Variants in RTBDN observed in about 807,000 individuals in gnomAD.
RTBDN encodes retbindin.
RTBDN carries 24 observed loss-of-function variants against 21.9 expected under a neutral mutation model. The ratio of observed to expected loss-of-function variants is 1.10; its 90% CI spans 0.79 to 1.54. The LOEUF is 1.54. RTBDN is among the 40% of genes most tolerant of loss of function. The probability of loss-of-function intolerance (pLI) is 0.00; values close to 1 mark genes in which losing one functional copy is unlikely to be tolerated. For synonymous variants in RTBDN, 141 were observed against 125.9 expected, an observed-to-expected ratio of 1.12 and a Z score of -0.80; for missense variants, 325 against 315.2, an observed-to-expected ratio of 1.03 and a Z score of -0.23.
Position 12,830,160 on chromosome 19 carries a change from G to A in RTBDN, c.-18-163C>T. The A allele has an allele frequency of 7.8e-7, 1 of 1,274,956 alleles. No individual in the cohort carries two copies. Among genetic ancestry groups the A allele is most frequent in the Non-Finnish European group, 1.0e-6 (1 of 962,318 alleles). 79.0% of individuals were successfully genotyped at this position (1,274,956 alleles called of 1,614,324 possible). On this transcript the variant is annotated intron_variant, in intron 1 of 5. Transcript: ENST00000674343. The surrounding 1 kb of genome is among the most constrained non-coding windows in gnomAD (Gnocchi z 4.2). Reference sequence around the variant, plus strand: ...ACGTTCAAATCCCAGGAGACCATCAGGGCCTGCCTCCAACCTAGGAGCCCC... The same window carrying A: ...ACGTTCAAATCCCAGGAGACCATCAAGGCCTGCCTCCAACCTAGGAGCCCC...
chr19:12,826,531 TAAAAATAC>T (rs1481463422), intron 5 of RTBDN: 2 of 773,774 alleles, frequency 2.6e-6, no homozygotes, highest in African/African-American at 3.6e-5. Flanking sequence ...CTGACTCTAC[TAAAAATAC>T]AAAAATTAGC....
Position 12,831,090 on chromosome 19 carries a change from C to T in RTBDN, c.-18-1093G>A, listed in dbSNP as rs567600603. ...CAGAATCTGGGGGAGGATTGTGTGT[C>T]CCAAGCAATGTGTTTGCAGTTGAAT... On this transcript the variant is annotated intron_variant, in intron 1 of 5. Transcript: ENST00000674343. 2.0e-4 allele frequency among the ~76,000 whole-genome samples: 30 copies of T among 150,210 alleles called. No homozygotes were observed. In the South Asian group the frequency reaches 6.1e-3, roughly 31 times the overall value.
In RTBDN at chr19:12,830,771, G is replaced by A. The variant is rs1332745394; in HGVS notation, c.-18-774C>T. On this transcript the variant is annotated intron_variant, in intron 1 of 5. Transcript: ENST00000674343. The surrounding 1 kb of genome is among the most constrained non-coding windows in gnomAD (Gnocchi z 4.2). ...AGGCTGGCCGACTTGGGGCTGGTGT[G>A]TATATATCCTTGTGTTTGTTTTTAT... 1 of 584,054 alleles carries A rather than the reference G, an allele frequency of 1.7e-6. No homozygotes were observed. The highest frequency in any genetic ancestry group is 2.0e-5 in the African/African-American group (1 of 49,462). 36.2% of individuals were successfully genotyped at this position (584,054 alleles called of 1,614,324 possible).
chr19:12,826,184 TG>T (rs1368264839), intron 5 of RTBDN: 123 of 1,360,560 alleles, frequency 9.0e-5, no homozygotes, highest in Admixed American at 7.1e-5. Context: ...GTATCAAGGC[TG>T]GGGTTTTGTA....
In RTBDN at chr19:12,830,027, C is replaced by T; in HGVS notation, c.-18-30G>A. The T allele has an allele frequency of 6.3e-7, 1 of 1,586,024 alleles. No homozygotes were observed. The highest frequency in any genetic ancestry group is 8.6e-7 in the Non-Finnish European group (1 of 1,159,072). ...CAGGCATAGGGTGGGGTTCAGCCAT[C>T]CCTTTCTGTGAGCTTAGGGTGGCAC... On this transcript the variant is annotated intron_variant, in intron 1 of 5. Coordinates refer to ENST00000674343, the MANE Select transcript of RTBDN (RefSeq NM_001270441.2). This position sits in a 1 kb window ranked among gnomAD's most constrained non-coding sequence, Gnocchi z 4.2.
At chr19:12,829,740 C>G in intron 2 of RTBDN, 71 bp downstream of exon 2, 1 of 1,513,696 alleles carries the variant, frequency 6.6e-7, no homozygotes, top group Non-Finnish European at 9.0e-7. Flanking sequence ...TAAGGAAATT[C>G]TAACATTGTC....
At chr19:12,829,116 G>T in intron 2 of RTBDN, 163 bp from the exon 3 acceptor site, 1 of 1,142,430 alleles carries the variant, frequency 8.8e-7, no homozygotes, top group Non-Finnish European at 1.2e-6. Context: ...GCTTCAAGTA[G>T]TAATAATCAT....
rs1429367313 is a variant in RTBDN at position 12,826,799 on chromosome 19, C to T, written c.438G>A (p.Glu146=). The change falls in exon 5 of 6, where the codon GAG becomes GAA. Residue 146 remains glutamate, a synonymous_variant. Coordinates refer to ENST00000674343, the MANE Select transcript of RTBDN (RefSeq NM_001270441.2). ...CCTGTCCATAGGTAAGGCAGCTGGG[C>T]TCACAGCCCCTTTTTTCTGAGAGTG... is the stretch of plus-strand genomic sequence containing the variant. The part of the protein sequence containing the change: ...WLPLSEKRGC[E]PSCLTYGQTF... The T allele has an allele frequency of 6.4e-7, 1 of 1,554,654 alleles. No homozygotes were observed. The highest frequency in any genetic ancestry group is 2.4e-5 in the East Asian group (1 of 41,150).
upstream of RTBDN, chr19:12,834,893 CCAAA>C (rs754300118): frequency 1.9e-6 from 3 of 1,601,786 alleles, no homozygotes; most frequent in African/African-American, 4.0e-5. The surrounding 1 kb of genome is among the most constrained non-coding windows in gnomAD (Gnocchi z 4.7). Flanking sequence ...AGGTCCGGTC[CCAAA>C]CATCCCAGAG....
intron 4 of RTBDN, among the ~76,000 whole-genome samples, chr19:12,828,251 C>G (rs1222791587): frequency 6.6e-6 from 1 of 151,960 alleles, no homozygotes; most frequent in Non-Finnish European, 1.5e-5. Context: ...CAAAAATTAG[C>G]CGGGCATGGT....
Position 12,828,647 on chromosome 19 carries a change from C to T in RTBDN, c.365+10G>A, listed in dbSNP as rs910710773. 1 of 1,603,532 alleles carries T rather than the reference C, an allele frequency of 6.2e-7. No homozygotes were observed. The highest frequency in any genetic ancestry group is 1.3e-5 in the African/African-American group (1 of 74,770). ...TCACAACCCACGCCCCTTGCCCCCGCGTCTCCTACCAGGCCTGGCAGAGCT... is the reference window on the plus strand; with the variant it reads ...TCACAACCCACGCCCCTTGCCCCCGTGTCTCCTACCAGGCCTGGCAGAGCT... On this transcript the variant is annotated intron_variant, in intron 4 of 5. Transcript: ENST00000674343.
intron 4 of RTBDN, 123 bp downstream of exon 4, chr19:12,828,534 T>C (rs371747298): frequency 1.5e-5 from 10 of 671,996 alleles, no homozygotes; most frequent in Non-Finnish European, 5.0e-6. Flanking sequence ...TTAAGCTGCA[T>C]CTCTTAAACC....
Position 12,834,474 on chromosome 19 carries a change from G to A in RTBDN, c.-19+15C>T. ...CCCCTCCCGAGGCATAGGACGCCCTGCGTCCCCCACGCACCTGCCTGGCCA... is the reference window on the plus strand; with the variant it reads ...CCCCTCCCGAGGCATAGGACGCCCTACGTCCCCCACGCACCTGCCTGGCCA... On this transcript the variant is annotated intron_variant, in intron 1 of 5. Transcript: ENST00000674343. This position sits in a 1 kb window ranked among gnomAD's most constrained non-coding sequence, Gnocchi z 4.7. 1 of 1,531,560 alleles carries A rather than the reference G, an allele frequency of 6.5e-7. No individual in the cohort carries two copies. The highest frequency in any genetic ancestry group is 8.8e-7 in the Non-Finnish European group (1 of 1,142,716). The allele number at this position is 1,531,560 out of a possible 1,614,324, so 94.9% of individuals were successfully genotyped here.
Position 12,830,838 on chromosome 19 carries a change from A to AGTGTGTGTGT in RTBDN, c.-18-851_-18-842dup, listed in dbSNP as rs5827165. Among the ~76,000 whole-genome samples, 2 of 146,812 alleles carry AGTGTGTGTGT rather than the reference A, an allele frequency of 1.4e-5. No homozygotes were observed. Among genetic ancestry groups the AGTGTGTGTGT allele is most frequent in the Non-Finnish European group, 3.0e-5 (2 of 66,080 alleles). ...AAGCTCTGTATCTATATATGTGGGGAGTGTGTGTGTGTGTGTGTGTGTGTA... is the reference window on the plus strand; with the variant it reads ...AAGCTCTGTATCTATATATGTGGGGAGTGTGTGTGTGTGTGTGTGTGTGTGTGTGTGTGTA... On this transcript the variant is annotated intron_variant, in intron 1 of 5. Coordinates refer to ENST00000674343, the MANE Select transcript of RTBDN (RefSeq NM_001270441.2). The surrounding 1 kb of genome is among the most constrained non-coding windows in gnomAD (Gnocchi z 4.2).
chr19:12,834,447 G>A lies in RTBDN; in HGVS notation c.-19+42C>T. On this transcript the variant is annotated intron_variant, in intron 1 of 5. Coordinates refer to ENST00000674343, the MANE Select transcript of RTBDN (RefSeq NM_001270441.2). The surrounding 1 kb of genome is among the most constrained non-coding windows in gnomAD (Gnocchi z 4.7). ...AACCTCGCCCCTCACCACCCCAGGA[G>A]CCCCCTCCCGAGGCATAGGACGCCC... The A allele has an allele frequency of 1.4e-6, 2 of 1,455,596 alleles. No homozygotes were observed. The highest frequency in any genetic ancestry group is 2.8e-5 in the African/African-American group (2 of 71,552). 90.2% of individuals were successfully genotyped at this position (1,455,596 alleles called of 1,614,324 possible).
At chr19:12,831,841 G>T (rs547289868) in intron 1 of RTBDN, among the ~76,000 whole-genome samples, 38 of 152,222 alleles carry the variant, frequency 2.5e-4, no homozygotes, top group Admixed American at 3.9e-4. Flanking sequence ...TCTATGTGTT[G>T]TGTTGGGAGA....
At position 12,825,789 on chromosome 19, in the gene RTBDN, A is replaced by AG. The variant is rs1460266534; in HGVS notation, c.606dup (p.Ser203LeufsTer34). On this transcript the variant is annotated frameshift_variant, in exon 6 of 6. Coordinates refer to ENST00000674343, the MANE Select transcript of RTBDN (RefSeq NM_001270441.2). LOFTEE classifies it low-confidence loss of function (END_TRUNC). The stretch of plus-strand genomic sequence containing the variant: ...GTGCGAGGGCTGCGGGAACGCCGGG[A>AG]GGGAGCTTCCCGGCCCCGTCGTCCT... The AG allele has an allele frequency of 1.9e-6, 3 of 1,610,868 alleles. No homozygotes were observed. Among genetic ancestry groups the AG allele is most frequent in the Non-Finnish European group, 2.5e-6 (3 of 1,178,212 alleles).
rs943480075 is a variant in RTBDN, at chr19:12,828,866, C to T, written c.254+3G>A. 111 of 1,614,074 alleles carry T rather than the reference C, an allele frequency of 6.9e-5. No homozygotes were observed. The highest frequency in any genetic ancestry group is 8.5e-5 in the Non-Finnish European group (100 of 1,180,030). On this transcript the variant is annotated splice_donor_region_variant and intron_variant, in intron 3 of 5. Coordinates refer to ENST00000674343, the MANE Select transcript of RTBDN (RefSeq NM_001270441.2). ...AGAAAACGGTGGAGGGTGCTGTACTCACTCAGGGCTCGGCACTCCACAGCG... is the reference window on the plus strand; with the variant it reads ...AGAAAACGGTGGAGGGTGCTGTACTTACTCAGGGCTCGGCACTCCACAGCG...
In RTBDN at chr19:12,829,803, G is replaced by T; in HGVS notation, c.169+8C>A. 1 of 1,606,414 alleles carries T rather than the reference G, an allele frequency of 6.2e-7. No homozygotes were observed. The highest frequency in any genetic ancestry group is 8.5e-7 in the Non-Finnish European group (1 of 1,173,788). On this transcript the variant is annotated splice_region_variant and intron_variant, in intron 2 of 5. Coordinates refer to ENST00000674343, the MANE Select transcript of RTBDN (RefSeq NM_001270441.2). Reference sequence around the variant, plus strand: ...TGTTGGTGGTGAGGCAGGGTCTGGGGTGCTCACCTGCCAGGTGCAGCTTGC... The same window carrying T: ...TGTTGGTGGTGAGGCAGGGTCTGGGTTGCTCACCTGCCAGGTGCAGCTTGC...
Sources: allele counts gnomAD v4.1 joint callset (sites outside exome capture counted in the v4.1 genomes callset), GRCh38; gene constraint gnomAD v4.1.1; non-coding constraint Gnocchi (gnomAD v3.1); transcripts MANE v1.5; gene names NCBI Gene and HGNC (gene_info 2026-07-23, HGNC 2026-07-21).